PSG2: variants seen among roughly 807,000 people sequenced by gnomAD.
PSG2 encodes the protein pregnancy-specific beta-1-glycoprotein 2.
PSG2 carries 49 observed loss-of-function variants against 36.2 expected under a neutral mutation model. The ratio of observed to expected loss-of-function variants is 1.35; its 90% CI spans 1.08 to 1.72. PSG2 has a LOEUF of 1.72. PSG2 is among the 40% of genes most tolerant of loss of function. The pLI, the probability that PSG2 is intolerant of heterozygous loss-of-function variation, is 0.00. For missense variants in PSG2, 605 were observed against 407.2 expected, an observed-to-expected ratio of 1.49 and a Z score of -4.18; for synonymous variants, 261 against 155.6, an observed-to-expected ratio of 1.68 and a Z score of -5.04.
chr19:43,077,811 T>C (rs1321305065), intron 2 of PSG2, among the ~76,000 whole-genome samples: 1 of 151,880 alleles, frequency 6.6e-6, no homozygotes, highest in Non-Finnish European at 1.5e-5. Flanking sequence ...TTCCCCACTC[T>C]TCTTGAACTT....
chr19:43,069,284 A>G (rs142610220), intron 4 of PSG2, among the ~76,000 whole-genome samples: 2,076 of 151,740 alleles, frequency 0.014, 104 homozygotes, highest in African/African-American at 0.046. Flanking sequence ...GGACAGTGCT[A>G]CCCAAAGTGA....
chr19:43,072,738 T>C, intron 3 of PSG2: 2 of 1,532,624 alleles, frequency 1.3e-6, no homozygotes, highest in African/African-American at 2.8e-5. Context: ...CCTGAGTCCT[T>C]GAAAGCCAAT....
chr19:43,082,664 T>C lies in PSG2; in HGVS notation c.-95A>G. Reference sequence around the variant, plus strand: ...TGTCAGCTGTGCTGTCCTTCCTCCTTCTGCACTGAGCCTCTTCCTGGGGCA... The same window carrying C: ...TGTCAGCTGTGCTGTCCTTCCTCCTCCTGCACTGAGCCTCTTCCTGGGGCA... On this transcript the variant is annotated 5_prime_UTR_variant, in exon 1 of 6. Transcript: ENST00000406487. 1 of 1,547,782 alleles carries C rather than the reference T, an allele frequency of 6.5e-7. No homozygotes were observed. The highest frequency in any genetic ancestry group is 2.3e-5 in the East Asian group (1 of 44,096).
At chr19:43,076,932 A>G (rs1405491500) in intron 2 of PSG2, among the ~76,000 whole-genome samples, 2 of 147,968 alleles carry the variant, frequency 1.4e-5, no homozygotes, top group Non-Finnish European at 3.0e-5. Flanking sequence ...TTAGCATCAC[A>G]TCAGTGGTCA....
At chr19:43,074,977 C>G (rs1967872249) in intron 3 of PSG2, among the ~76,000 whole-genome samples, 1 of 151,580 alleles carries the variant, frequency 6.6e-6, no homozygotes, top group South Asian at 2.1e-4. Flanking sequence ...CATAAAGTCA[C>G]AGGCACTATT....
intron 2 of PSG2, among the ~76,000 whole-genome samples, chr19:43,078,360 A>G (rs916690326): frequency 3.9e-5 from 6 of 151,940 alleles, no homozygotes; most frequent in Middle Eastern, 6.8e-3. Flanking sequence ...CACAGTTTCT[A>G]TAATCCCTGA....
intron 3 of PSG2, among the ~76,000 whole-genome samples, chr19:43,074,018 G>A (rs925389544): frequency 5.9e-5 from 9 of 151,534 alleles, no homozygotes; most frequent in African/African-American, 2.0e-4. Flanking sequence ...TTCTGGCTTG[G>A]TGATTAGTTT....
intron 2 of PSG2, 150 bp from the exon 3 acceptor site, chr19:43,075,782 T>C: frequency 1.4e-6 from 2 of 1,464,164 alleles, no homozygotes; most frequent in Non-Finnish European, 1.8e-6. Flanking sequence ...GACAGATGCA[T>C]GGCAATCTGA....
chr19:43,072,885 T>A (rs535228209), intron 3 of PSG2, among the ~76,000 whole-genome samples: 2 of 151,712 alleles, frequency 1.3e-5, no homozygotes, highest in East Asian at 3.8e-4. Flanking sequence ...TGGACAGACA[T>A]GTCAGTGGGA....
In PSG2 at chr19:43,082,675, C is replaced by A. The variant is rs568595825; in HGVS notation, c.-106G>T. 1.3e-6 allele frequency: 2 copies of A among 1,527,254 alleles called. No individual in the cohort carries two copies. The highest frequency in any genetic ancestry group is 2.4e-5 in the South Asian group (2 of 83,040). 94.6% of individuals were successfully genotyped at this position (1,527,254 alleles called of 1,614,324 possible). A position where few individuals can be genotyped will look rare whatever the true frequency, so the allele number is the denominator to read the frequency against. On this transcript the variant is annotated 5_prime_UTR_variant, in exon 1 of 6. Transcript: ENST00000406487. ...CTGTCCTTCCTCCTTCTGCACTGAGCCTCTTCCTGGGGCAGCAGCAATTCC... is the reference window on the plus strand; with the variant it reads ...CTGTCCTTCCTCCTTCTGCACTGAGACTCTTCCTGGGGCAGCAGCAATTCC...
chr19:43,076,870 A>C (rs962953278), intron 2 of PSG2, among the ~76,000 whole-genome samples: 1 of 151,620 alleles, frequency 6.6e-6, no homozygotes, highest in Admixed American at 6.6e-5. Context: ...CTGGTTTAGC[A>C]TCCCAAATCT....
chr19:43,075,106 A>T (rs551306920), intron 3 of PSG2, among the ~76,000 whole-genome samples: 7 of 151,782 alleles, frequency 4.6e-5, no homozygotes, highest in African/African-American at 1.5e-4. Context: ...AGCCTGAGAC[A>T]TTCACCTGTT....
intron 4 of PSG2, among the ~76,000 whole-genome samples, chr19:43,067,224 A>G (rs1967752407): frequency 6.6e-6 from 1 of 151,386 alleles, no homozygotes; most frequent in Admixed American, 6.6e-5. Context: ...TCAGCTCTGC[A>G]TAGTGGTCTG....
intron 4 of PSG2, among the ~76,000 whole-genome samples, chr19:43,070,251 G>A (rs1967797138): frequency 6.6e-6 from 1 of 151,664 alleles, no homozygotes; most frequent in South Asian, 2.1e-4. Flanking sequence ...ATTGCTGATG[G>A]GAATGGGAAA....
chr19:43,064,319 T>A lies in PSG2; in HGVS notation c.*323A>T, dbSNP rs1260857625. ...AAAAGGAAATGTTTCAATTTTTGTTTACAAAAGTATACTTTACCAATTGCT... is the reference window on the plus strand; with the variant it reads ...AAAAGGAAATGTTTCAATTTTTGTTAACAAAAGTATACTTTACCAATTGCT... On this transcript the variant is annotated 3_prime_UTR_variant, in exon 6 of 6. Transcript: ENST00000406487. 1 of 259,634 alleles carries A rather than the reference T, an allele frequency of 3.9e-6. No individual in the cohort carries two copies. The highest frequency in any genetic ancestry group is 7.6e-6 in the Non-Finnish European group (1 of 131,032). The allele number at this position is 259,634 out of a possible 1,614,324, so 16.1% of individuals were successfully genotyped here. A position where few individuals can be genotyped will look rare whatever the true frequency, so the allele number is the denominator to read the frequency against.
chr19:43,070,704 TGA>T (rs1967803238), intron 4 of PSG2, among the ~76,000 whole-genome samples: 1 of 150,152 alleles, frequency 6.7e-6, no homozygotes, highest in African/African-American at 2.5e-5. Context: ...GGAGAAGGAG[TGA>T]GAGTTACTGT....
intron 3 of PSG2, among the ~76,000 whole-genome samples, chr19:43,074,196 G>A (rs886740006): frequency 6.6e-6 from 1 of 151,484 alleles, no homozygotes; most frequent in Non-Finnish European, 1.5e-5. Flanking sequence ...AGCCTGTCAG[G>A]TCAGATTTAG....
At position 43,064,341 on chromosome 19, in the gene PSG2, T is replaced by A. The variant is rs1967710581; in HGVS notation, c.*301A>T. The A allele has an allele frequency of 7.1e-6, 2 of 281,066 alleles. No individual in the cohort carries two copies. The allele number at this position is 281,066 out of a possible 1,614,324, so 17.4% of individuals were successfully genotyped here. ...GTTTACAAAAGTATACTTTACCAAT[T>A]GCTCAAGAAAAAATGTTCATAAATC... On this transcript the variant is annotated 3_prime_UTR_variant, in exon 6 of 6. Transcript: ENST00000406487.
At chr19:43,064,944 G>C (rs1293325739) in intron 5 of PSG2, among the ~76,000 whole-genome samples, 1 of 151,712 alleles carries the variant, frequency 6.6e-6, no homozygotes, top group Non-Finnish European at 1.5e-5. Flanking sequence ...CCATTCTCCT[G>C]CCTCAGCCTC....
Sources: gnomAD v4.1 joint callset for allele counts (sites outside exome capture counted in the v4.1 genomes callset) on GRCh38, gnomAD v4.1.1 for gene constraint, MANE v1.5 for transcripts, NCBI Gene and HGNC (gene_info 2026-07-23, HGNC 2026-07-21) for gene names.